ARL15: variants seen among roughly 807,000 people sequenced by gnomAD.
ARL15 encodes the protein ARF like GTPase 15.
Under a neutral mutation model 25.2 loss-of-function variants are expected in ARL15, and 19 were observed. That is an observed-to-expected ratio of 0.75 (90% CI 0.53 to 1.10). ARL15 has a LOEUF of 1.10. ARL15 is among the 50% of genes least tolerant of loss of function. The pLI is 0.00. For missense variants in ARL15, 220 were observed against 246.0 expected (o/e 0.89, Z 0.71); for synonymous variants, 94 against 86.8 (o/e 1.08, Z -0.46).
chr5:53,924,867 C>A (rs1364803297), intron 4 of ARL15, among the ~76,000 whole-genome samples: 1 of 152,092 alleles, frequency 6.6e-6, no homozygotes. Context: ...GCCCCAAATA[C>A]CTCAATCAAT....
At chr5:54,079,813 T>A (rs1751730231) in intron 4 of ARL15, among the ~76,000 whole-genome samples, 1 of 151,702 alleles carries the variant, frequency 6.6e-6, no homozygotes, top group Non-Finnish European at 1.5e-5. Flanking sequence ...CTACTAAAAA[T>A]ACAAAAAATA....
intron 4 of ARL15, among the ~76,000 whole-genome samples, chr5:53,897,963 A>G (rs1464539806): frequency 6.6e-6 from 1 of 152,222 alleles, no homozygotes; most frequent in Non-Finnish European, 1.5e-5. Context: ...TGTATATTAT[A>G]TGCACATTAC....
At chr5:54,177,086 G>A (rs1393880584) in intron 1 of ARL15, among the ~76,000 whole-genome samples, 1 of 152,172 alleles carries the variant, frequency 6.6e-6, no homozygotes, top group East Asian at 1.9e-4. Context: ...CAAGGTCATG[G>A]TCTCCACTGC....
chr5:54,220,078 A>G (rs1397430275), intron 1 of ARL15, among the ~76,000 whole-genome samples: 1 of 152,194 alleles, frequency 6.6e-6, no homozygotes, highest in African/African-American at 2.4e-5. Context: ...CTACCACCTT[A>G]TTTTATGGGT....
chr5:54,065,364 G>A (rs535598680), intron 4 of ARL15, among the ~76,000 whole-genome samples: 1 of 152,252 alleles, frequency 6.6e-6, no homozygotes, highest in Admixed American at 6.5e-5. Context: ...AAATGTGGCT[G>A]GTCCAAACTG....
intron 4 of ARL15, chr5:53,951,714 T>C: frequency 3.0e-6 from 1 of 334,324 alleles, no homozygotes; most frequent in Non-Finnish European, 5.9e-6. Context: ...ATATATTAAC[T>C]AGATAAAATT....
intron 1 of ARL15, among the ~76,000 whole-genome samples, chr5:54,263,560 C>T (rs1757550994): frequency 6.6e-6 from 1 of 152,040 alleles, no homozygotes; most frequent in Non-Finnish European, 1.5e-5. Flanking sequence ...CCTATGGTTC[C>T]ACGAAGAAAG....
intron 4 of ARL15, among the ~76,000 whole-genome samples, chr5:53,977,069 T>C (rs1747949808): frequency 6.6e-6 from 1 of 152,122 alleles, no homozygotes; most frequent in Admixed American, 6.5e-5. Flanking sequence ...TAGAAAAATA[T>C]CCCACTAGGC....
chr5:54,200,301 TA>T (rs1027815680), intron 1 of ARL15, among the ~76,000 whole-genome samples: 1 of 131,156 alleles, frequency 7.6e-6, no homozygotes, highest in African/African-American at 2.8e-5. Flanking sequence ...TAATAATAAT[TA>T]AAAAAAGAGA....
intron 4 of ARL15, among the ~76,000 whole-genome samples, chr5:54,052,647 A>G (rs1750735087): frequency 6.6e-6 from 1 of 152,228 alleles, no homozygotes; most frequent in Non-Finnish European, 1.5e-5. Flanking sequence ...GGAATGAATT[A>G]GAGCTGAAGA....
chr5:54,090,335 T>C (rs924178407), intron 4 of ARL15, among the ~76,000 whole-genome samples: 2 of 152,072 alleles, frequency 1.3e-5, no homozygotes, highest in Non-Finnish European at 2.9e-5. Flanking sequence ...GCATTTAGCA[T>C]GATTCCCAAT....
intron 4 of ARL15, among the ~76,000 whole-genome samples, chr5:54,004,363 C>T (rs953751948): frequency 1.4e-4 from 21 of 151,946 alleles, no homozygotes; most frequent in African/African-American, 4.3e-4. Context: ...CATGGTGGCG[C>T]GTGCCTGTAG....
chr5:54,069,342 G>C (rs1163923659), intron 4 of ARL15, among the ~76,000 whole-genome samples: 1 of 152,072 alleles, frequency 6.6e-6, no homozygotes, highest in African/African-American at 2.4e-5. Flanking sequence ...AGGCCAAGGA[G>C]GGTGGATCAC....
At chr5:54,241,103 T>C (rs760342195) in intron 1 of ARL15, among the ~76,000 whole-genome samples, 1 of 152,166 alleles carries the variant, frequency 6.6e-6, no homozygotes, top group African/African-American at 2.4e-5. Context: ...TACTATATAA[T>C]GATACTTAAT....
chr5:54,083,332 C>T (rs1218648930), intron 4 of ARL15, among the ~76,000 whole-genome samples: 1 of 152,166 alleles, frequency 6.6e-6, no homozygotes, highest in Non-Finnish European at 1.5e-5. Flanking sequence ...CTAAGGAGAA[C>T]TTCTAATGCA....
In ARL15 at chr5:54,154,585, A is replaced by G; in HGVS notation, c.248T>C (p.Leu83Pro). The G allele has an allele frequency of 6.6e-7, 1 of 1,526,462 alleles. No homozygotes were observed. The highest frequency in any genetic ancestry group is 1.3e-5 in the South Asian group (1 of 78,594). 94.6% of individuals were successfully genotyped at this position (1,526,462 alleles called of 1,614,324 possible). Residue 83 changes from leucine (L) to proline (P), a missense_variant, in exon 3 of 5, where the codon CTT (leucine) becomes CCT (proline). By Grantham distance (98) the Leu-to-Pro change is moderately conservative (BLOSUM62 -3). Coordinates refer to ENST00000504924, the MANE Select transcript of ARL15 (RefSeq NM_019087.3). Reference sequence around the variant, plus strand: ...AATGATTTGAAATGTTATACCTCCAAGTTCTTTTACATTCAAGATGGCATT... The same window carrying G: ...AATGATTTGAAATGTTATACCTCCAGGTTCTTTTACATTCAAGATGGCATT... ...FQNAILNVKE[L>P]GGADNIRKYW...
intron 1 of ARL15, among the ~76,000 whole-genome samples, chr5:54,306,419 G>A (rs933102220): frequency 1.5e-5 from 2 of 131,632 alleles, no homozygotes; most frequent in East Asian, 2.2e-4. Context: ...GTCTTGAGAC[G>A]GAGTCTCACT....
At chr5:54,203,353 A>G (rs191416229) in intron 1 of ARL15, among the ~76,000 whole-genome samples, 108 of 152,310 alleles carry the variant, frequency 7.1e-4, no homozygotes, top group African/African-American at 2.4e-3. Flanking sequence ...AACATTAACT[A>G]TATAGCATAT....
intron 3 of ARL15, among the ~76,000 whole-genome samples, chr5:54,139,284 G>A (rs1753699698): frequency 6.6e-6 from 1 of 152,082 alleles, no homozygotes; most frequent in South Asian, 2.1e-4. Context: ...CAATCAATGA[G>A]TAGATAAAGA....
Sources: gnomAD v4.1 joint callset for allele counts (sites outside exome capture counted in the v4.1 genomes callset) on GRCh38, gnomAD v4.1.1 for gene constraint, MANE v1.5 for transcripts, NCBI Gene and HGNC (gene_info 2026-07-23, HGNC 2026-07-21) for gene names.